Variants in TTC23L observed in about 807,000 individuals in gnomAD.
The protein encoded by TTC23L is tetratricopeptide repeat protein 23-like.
In TTC23L, 42 loss-of-function variants were observed where a neutral mutation model predicts 48.1. The ratio of observed to expected loss-of-function variants is 0.87; its 90% CI spans 0.68 to 1.13. TTC23L has a LOEUF of 1.13. TTC23L is among the 50% of genes most tolerant of loss of function. The pLI is 0.00. For synonymous variants in TTC23L, 159 were observed against 157.2 expected (o/e 1.01, Z -0.09); for missense variants, 391 against 421.0 (o/e 0.93, Z 0.62).
intron 7 of TTC23L, 168 bp from the exon 8 acceptor site, chr5:34,868,737 C>A (rs1426415645): frequency 1.6e-6 from 1 of 607,108 alleles, no homozygotes; most frequent in Non-Finnish European, 3.0e-6. Flanking sequence ...CTTCCCAAAC[C>A]CTAATCAGTG....
chr5:34,922,509 A>T, the TTC23L span: 1 of 1,443,596 alleles, frequency 6.9e-7, no homozygotes, highest in South Asian at 1.2e-5. Flanking sequence ...TTTGCTAATT[A>T]GTTGAAAAAG....
At chr5:34,913,744 T>C in the TTC23L span, 5 of 585,040 alleles carry the variant, frequency 8.5e-6, no homozygotes, top group Admixed American at 8.9e-5. Flanking sequence ...CTTTGAAGCA[T>C]CCTTATCTCC....
chr5:34,866,694 A>G (rs1379956632), intron 6 of TTC23L, among the ~76,000 whole-genome samples, 198 bp from the exon 7 acceptor site: 13 of 152,316 alleles, frequency 8.5e-5, no homozygotes, highest in East Asian at 7.7e-4. Flanking sequence ...GGGTTTAATG[A>G]GTGGTCGTCA....
chr5:34,924,642 A>G, the TTC23L span, among the ~76,000 whole-genome samples: 2 of 152,344 alleles, frequency 1.3e-5, no homozygotes, highest in East Asian at 3.9e-4. Flanking sequence ...GAACTCACTG[A>G]AAAAACATTT....
chr5:34,858,409 G>A (rs1278173103), intron 4 of TTC23L, among the ~76,000 whole-genome samples: 1 of 152,118 alleles, frequency 6.6e-6, no homozygotes, highest in African/African-American at 2.4e-5. Flanking sequence ...ATTTTTTCAA[G>A]TAGTATGTGC....
rs550203837 is a variant in TTC23L, at chr5:34,898,776, T to C, written c.*98-614T>C. Among the ~76,000 whole-genome samples, 11 of 152,322 alleles carry C rather than the reference T, an allele frequency of 7.2e-5. 1 individual carries two copies. The highest frequency in any genetic ancestry group is 2.6e-4 in the African/African-American group (11 of 41,578). On this transcript the variant is annotated intron_variant, in intron 10 of 10. Transcript: ENST00000505624. The stretch of plus-strand genomic sequence containing the variant: ...TATTTCATATTCTACAGAACAAATA[T>C]TCTTTTCAAGTAAAAAAAGGGCTAT...
At position 34,863,702 on chromosome 5, in the gene TTC23L, A is replaced by T. The variant is rs116130694; in HGVS notation, c.536+648A>T. On this transcript the variant is annotated intron_variant, in intron 5 of 10. Coordinates refer to ENST00000505624, the Ensembl canonical transcript of TTC23L. The surrounding 1 kb of genome is among the most constrained non-coding windows in gnomAD (Gnocchi z 4.1). The stretch of plus-strand genomic sequence containing the variant: ...AAAACAAGTAGTTCTATAAATCCCC[A>T]GAGGGGTACTGTTATATGTGCCTTT... Among the ~76,000 whole-genome samples, 1,020 of 152,322 alleles carry T rather than the reference A, an allele frequency of 6.7e-3. 10 individuals carry two copies. The highest frequency in any genetic ancestry group is 0.024 in the African/African-American group (988 of 41,572).
intron 10 of TTC23L, among the ~76,000 whole-genome samples, chr5:34,897,906 T>C (rs1763331912): frequency 6.6e-6 from 1 of 152,210 alleles, no homozygotes; most frequent in Non-Finnish European, 1.5e-5. Context: ...ATCATAGAAA[T>C]ATGACTTCAG....
the TTC23L span, chr5:34,915,022 G>C: frequency 1.1e-6 from 1 of 943,056 alleles, no homozygotes; most frequent in Non-Finnish European, 1.6e-6. Context: ...AGCTCCACCT[G>C]CGCTGAGAGG....
chr5:34,866,504 G>C (rs1761058323), intron 6 of TTC23L, among the ~76,000 whole-genome samples: 1 of 151,942 alleles, frequency 6.6e-6, no homozygotes, highest in Non-Finnish European at 1.5e-5. Flanking sequence ...AAATTAAATG[G>C]AACAAAACAA....
chr5:34,901,021 A>G (rs1036131315), downstream of TTC23L, among the ~76,000 whole-genome samples: 1 of 152,156 alleles, frequency 6.6e-6, no homozygotes, highest in African/African-American at 2.4e-5. Context: ...ATTTCTCTGG[A>G]CTGTGAATGG....
downstream of TTC23L, among the ~76,000 whole-genome samples, chr5:34,900,626 G>A (rs1174793757): frequency 6.6e-6 from 1 of 152,220 alleles, no homozygotes; most frequent in Admixed American, 6.5e-5. Context: ...CACAGCCACA[G>A]ACCTCAATCT....
chr5:34,914,640 T>C, the TTC23L span: 1 of 1,566,184 alleles, frequency 6.4e-7, no homozygotes, highest in East Asian at 2.2e-5. Flanking sequence ...TCCGATTTCA[T>C]TAAATTACAT....
intron 9 of TTC23L, 103 bp from the exon 10 acceptor site, chr5:34,896,667 T>C (rs1763244469): frequency 4.2e-6 from 3 of 717,850 alleles, no homozygotes; most frequent in Admixed American, 4.0e-5. Flanking sequence ...AACATGAAAT[T>C]TAAGTTCTGG....
chr5:34,869,382 T>G (rs1761294110), intron 8 of TTC23L: 1 of 179,492 alleles, frequency 5.6e-6, no homozygotes, highest in Non-Finnish European at 1.2e-5. Flanking sequence ...TTCAGTCTCC[T>G]TGACTCTTTT....
chr5:34,915,488 G>A, the TTC23L span: 2 of 430,744 alleles, frequency 4.6e-6, no homozygotes, highest in Non-Finnish European at 8.2e-6. Context: ...GCGGCTCCGA[G>A]GAACCGCGGA....
At chr5:34,900,674 G>GTCA (rs1184042168), downstream of TTC23L, among the ~76,000 whole-genome samples, 10 of 152,274 alleles carry the variant, frequency 6.6e-5, no homozygotes, top group Admixed American at 3.3e-4. Context: ...TTCTTGTAAT[G>GTCA]TCATGACTTC....
chr5:34,904,353 T>C (rs1459938728), downstream of TTC23L, among the ~76,000 whole-genome samples: 1 of 151,164 alleles, frequency 6.6e-6, no homozygotes, highest in Non-Finnish European at 1.5e-5. Flanking sequence ...CCCAGCACTT[T>C]GGGAGGCTGA....
In TTC23L at chr5:34,863,677, A is replaced by G. The variant is rs939408326; in HGVS notation, c.536+623A>G. ...AGGCTGGAGGCCAAGCAAAATAGAC[A>G]AAACAAGTAGTTCTATAAATCCCCA... On this transcript the variant is annotated intron_variant, in intron 5 of 10. Coordinates refer to ENST00000505624, the Ensembl canonical transcript of TTC23L. The surrounding 1 kb of genome is among the most constrained non-coding windows in gnomAD (Gnocchi z 4.1). 3.9e-5 allele frequency among the ~76,000 whole-genome samples: 6 copies of G among 152,232 alleles called. No individual in the cohort carries two copies. The highest frequency in any genetic ancestry group is 6.5e-5 in the Admixed American group (1 of 15,288).
Sources: gnomAD v4.1 joint callset for allele counts (sites outside exome capture counted in the v4.1 genomes callset) on GRCh38, gnomAD v4.1.1 for gene constraint, Gnocchi (gnomAD v3.1) non-coding constraint, MANE v1.5 for transcripts, NCBI Gene and HGNC (gene_info 2026-07-23, HGNC 2026-07-21) for gene names.